KARS1: variants seen among roughly 807,000 people sequenced by gnomAD.
The protein encoded by KARS1 is lysine--tRNA ligase.
In KARS1, 50 loss-of-function variants were observed where a neutral mutation model predicts 63.9. That is an observed-to-expected ratio of 0.78 (90% CI 0.62 to 0.99). The LOEUF is 0.99. Among genes scored for constraint, KARS1 ranks in the 50% least tolerant of loss-of-function variants. The pLI is 0.00. For synonymous variants in KARS1, 320 were observed against 264.6 expected, an observed-to-expected ratio of 1.21 and a Z score of -2.03; for missense variants, 816 against 754.5, an observed-to-expected ratio of 1.08 and a Z score of -0.95.
At chr16:75,631,878 G>A in intron 7 of KARS1, 23 bp from the exon 8 acceptor site, 3 of 1,613,156 alleles carry the variant, frequency 1.9e-6, no homozygotes, top group Non-Finnish European at 2.5e-6. Flanking sequence ...CATGGCCACG[G>A]TCATGACAGC....
At chr16:75,629,217 T>C (rs1344352500) in intron 12 of KARS1, among the ~76,000 whole-genome samples, 198 bp downstream of exon 12, 1 of 152,240 alleles carries the variant, frequency 6.6e-6, no homozygotes, top group African/African-American at 2.4e-5. Context: ...CGGAGATTAA[T>C]AATGAAGTTC....
At chr16:75,642,880 G>C (rs2082240469) in intron 1 of KARS1, 1 of 152,154 alleles carries the variant, frequency 6.6e-6, no homozygotes, top group Non-Finnish European at 1.5e-5. Context: ...CAGTTGTTAT[G>C]GTGTGTAATG....
intron 1 of KARS1, chr16:75,644,335 G>C (rs1462171468): frequency 6.2e-7 from 1 of 1,609,752 alleles, no homozygotes; most frequent in East Asian, 2.2e-5. Context: ...AAAGGAGCAA[G>C]TTGACCCAGT....
intron 13 of KARS1, 118 bp from the exon 14 acceptor site, chr16:75,628,111 C>T: frequency 1.3e-6 from 1 of 747,680 alleles, no homozygotes; most frequent in Non-Finnish European, 2.5e-6. Flanking sequence ...TTAGTATATT[C>T]CAGCTGAAAA....
chr16:75,639,946 A>C (rs371766018), intron 3 of KARS1: 21 of 548,970 alleles, frequency 3.8e-5, no homozygotes, highest in East Asian at 1.3e-4. Context: ...TTGCTGATGA[A>C]GGGAATCCTT....
chr16:75,633,690 G>T (rs890093410), intron 7 of KARS1, among the ~76,000 whole-genome samples: 8 of 151,948 alleles, frequency 5.3e-5, no homozygotes, highest in South Asian at 2.1e-4. Flanking sequence ...GCTAATTTTT[G>T]TATTTTTGTA....
chr16:75,628,977 A>C (rs145594236), intron 12 of KARS1: 2 of 528,098 alleles, frequency 3.8e-6, no homozygotes, highest in East Asian at 6.8e-5. Context: ...GGGCTCTGGG[A>C]CTCCAAACAG....
chr16:75,630,585 C>T, intron 10 of KARS1, 77 bp from the exon 11 acceptor site: 1 of 843,340 alleles, frequency 1.2e-6, no homozygotes, highest in Non-Finnish European at 2.1e-6. Flanking sequence ...CAGAAGATCT[C>T]AGCTCCCATC....
intron 13 of KARS1, among the ~76,000 whole-genome samples, chr16:75,628,326 G>T (rs2082073794): frequency 6.6e-6 from 1 of 152,198 alleles, no homozygotes; most frequent in African/African-American, 2.4e-5. Context: ...AATGCACGGA[G>T]ACTTCCCTGG....
chr16:75,633,658 C>CAG (rs2082134179), intron 7 of KARS1, among the ~76,000 whole-genome samples: 3 of 152,062 alleles, frequency 2.0e-5, no homozygotes, highest in Admixed American at 1.3e-4. Context: ...GCTGGGATTA[C>CAG]AGGCACATGC....
intron 2 of KARS1, among the ~76,000 whole-genome samples, chr16:75,640,935 G>T (rs1438219663): frequency 6.6e-6 from 1 of 152,168 alleles, no homozygotes; most frequent in Non-Finnish European, 1.5e-5. Flanking sequence ...AGGTGTGGTG[G>T]CTCATGCCTG....
chr16:75,644,866 C>T (rs1033136236), intron 1 of KARS1, among the ~76,000 whole-genome samples: 7 of 152,188 alleles, frequency 4.6e-5, no homozygotes, highest in African/African-American at 1.7e-4. Flanking sequence ...GAAACTGTCA[C>T]TATCAATTGC....
chr16:75,639,680 G>A lies in KARS1; in HGVS notation c.388+504C>T, dbSNP rs139084639. ...AATTCTCTCTGGGTGGTAGGATTATGCGTAATCAAAACCTTCTCTCTGTGC... is the reference window on the plus strand; with the variant it reads ...AATTCTCTCTGGGTGGTAGGATTATACGTAATCAAAACCTTCTCTCTGTGC... On this transcript the variant is annotated intron_variant, in intron 3 of 13. Coordinates refer to ENST00000302445, the MANE Select transcript of KARS1 (RefSeq NM_005548.3). 4.1e-3 allele frequency: 645 copies of A among 156,054 alleles called. 4 individuals are homozygous for A. Among genetic ancestry groups the A allele is most frequent in the African/African-American group, 0.015 (601 of 41,358 alleles). 9.7% of individuals were successfully genotyped at this position (156,054 alleles called of 1,614,324 possible). A position where few individuals can be genotyped will look rare whatever the true frequency, so the allele number is the denominator to read the frequency against.
At position 75,628,646 on chromosome 16, in the gene KARS1, C is replaced by T; in HGVS notation, c.1618G>A (p.Gly540Arg). ...DENFCTALEY[G>R]LPPTAGWGMG... The stretch of plus-strand genomic sequence containing the variant: ...CCCCAGCCAGCTGTGGGGGGCAGCC[C>T]ATATTCCAGGGCAGTACAGAAGTTT... The change falls in exon 13 of 14, where the codon GGG becomes AGG. Residue 540 changes from glycine (G) to arginine (R), a missense_variant. By Grantham distance (125) the Gly-to-Arg change is moderately radical. Coordinates refer to ENST00000302445, the MANE Select transcript of KARS1 (RefSeq NM_005548.3). The T allele has an allele frequency of 6.2e-7, 1 of 1,614,204 alleles. No homozygotes were observed. Among genetic ancestry groups the T allele is most frequent in the East Asian group, 2.2e-5 (1 of 44,890 alleles).
chr16:75,640,301 C>T lies in KARS1; in HGVS notation c.271G>A (p.Gly91Arg). The T allele has an allele frequency of 6.2e-7, 1 of 1,613,172 alleles. No individual in the cohort carries two copies. The highest frequency in any genetic ancestry group is 1.3e-5 in the African/African-American group (1 of 74,612). Residue 91 changes from glycine to arginine, a missense_variant, in exon 3 of 14, where the codon GGG becomes AGG. Coordinates refer to ENST00000302445, the MANE Select transcript of KARS1 (RefSeq NM_005548.3). Reference protein sequence around the residue: ...SQAIHQLKVNGEDPYPHKFHV... With the variant: ...SQAIHQLKVNREDPYPHKFHV... The stretch of plus-strand genomic sequence containing the variant: ...AACTTGTGTGGGTATGGGTCTTCCC[C>T]ATTGACCTTCAGCTGATGAATTGCT...
At chr16:75,632,300 G>C (rs919666862) in intron 7 of KARS1, among the ~76,000 whole-genome samples, 4 of 152,206 alleles carry the variant, frequency 2.6e-5, no homozygotes, top group African/African-American at 9.6e-5. Context: ...AAATTGCCAA[G>C]CACCCTGCTC....
At chr16:75,646,644 G>A (rs1215819968) in intron 1 of KARS1, among the ~76,000 whole-genome samples, 1 of 151,636 alleles carries the variant, frequency 6.6e-6, no homozygotes, top group African/African-American at 2.4e-5. Context: ...GCTCGCTCAC[G>A]CAGCACTTCT....
rs2082205377 is a variant in KARS1, at chr16:75,640,015, A to G, written c.388+169T>C. 5 of 645,546 alleles carry G rather than the reference A, an allele frequency of 7.7e-6. No individual in the cohort carries two copies. The South Asian group carries it at 8.9e-5, about 11-fold the overall frequency. 40.0% of individuals were successfully genotyped at this position (645,546 alleles called of 1,614,324 possible). ...CATCTGGAATATGATTCCATGTCTC[A>G]GGGCTGCTCTGCTTCTTTCTGTATA... On this transcript the variant is annotated intron_variant, in intron 3 of 13. Coordinates refer to ENST00000302445, the MANE Select transcript of KARS1 (RefSeq NM_005548.3).
intron 1 of KARS1, among the ~76,000 whole-genome samples, chr16:75,645,350 GAT>G (rs1247647821): frequency 2.0e-5 from 3 of 152,166 alleles, no homozygotes; most frequent in Admixed American, 2.0e-4. Context: ...CAGTGCTCTG[GAT>G]CACTGCTAGA....
Sources: allele counts gnomAD v4.1 joint callset (sites outside exome capture counted in the v4.1 genomes callset), GRCh38; gene constraint gnomAD v4.1.1; transcripts MANE v1.5; gene names NCBI Gene and HGNC (gene_info 2026-07-23, HGNC 2026-07-21).